The following FKBP15 variants were observed in gnomAD, a reference collection of about 807,000 sequenced individuals.
FKBP15 encodes the protein FKBP prolyl isomerase family member 15.
FKBP15 carries 106 observed loss-of-function variants against 158.1 expected under a neutral mutation model. That is an observed-to-expected ratio of 0.67 (90% CI 0.57 to 0.79). FKBP15 has a LOEUF of 0.79. FKBP15 is among the 30% of genes least tolerant of loss of function. The pLI, the probability that FKBP15 is intolerant of heterozygous loss-of-function variation, is 0.00. For missense variants in FKBP15, 1,287 were observed against 1,479.1 expected, an observed-to-expected ratio of 0.87 and a Z score of 2.13; for synonymous variants, 547 against 548.6, an observed-to-expected ratio of 1.00 and a Z score of 0.04.
intron 11 of FKBP15, 47 bp downstream of exon 11, chr9:113,193,445 G>T: frequency 6.7e-7 from 1 of 1,488,822 alleles, no homozygotes. Flanking sequence ...AAAGTGTTAG[G>T]ATTACAGGTG....
intron 3 of FKBP15, 53 bp from the exon 4 acceptor site, chr9:113,206,631 AC>A: frequency 7.0e-7 from 1 of 1,427,022 alleles, no homozygotes; most frequent in Non-Finnish European, 9.8e-7. Flanking sequence ...ATTCTGCAGA[AC>A]CAGCTTTCTT....
In FKBP15 at chr9:113,198,354, C is replaced by G. The variant is rs1007278238; in HGVS notation, c.717+501G>C. On this transcript the variant is annotated intron_variant, in intron 8 of 27. Transcript: ENST00000238256. This position sits in a 1 kb window ranked among gnomAD's most constrained non-coding sequence, Gnocchi z 5.2. ...TACAGAAAACAATTGTAACCATCTT[C>G]AATGTAGTGTCTCATAGATAAAAAT... Among the ~76,000 whole-genome samples, 6 of 152,226 alleles carry G rather than the reference C, an allele frequency of 3.9e-5. No homozygotes were observed. The highest frequency in any genetic ancestry group is 6.5e-5 in the Admixed American group (1 of 15,278).
intron 1 of FKBP15, among the ~76,000 whole-genome samples, chr9:113,216,815 T>C (rs1232188050): frequency 3.3e-5 from 5 of 152,022 alleles, no homozygotes; most frequent in Non-Finnish European, 7.3e-5. Flanking sequence ...TGTGTTTCCA[T>C]AGATGTTCTA....
In FKBP15 at chr9:113,188,436, G is replaced by A; in HGVS notation, c.1229C>T (p.Pro410Leu). 1 of 1,613,940 alleles carries A rather than the reference G, an allele frequency of 6.2e-7. No individual in the cohort carries two copies. The highest frequency in any genetic ancestry group is 8.5e-7 in the Non-Finnish European group (1 of 1,179,866). The change falls in exon 13 of 28, where the codon CCC (proline) becomes CTC (leucine). Residue 410 changes from proline to leucine, a missense_variant. Transcript: ENST00000238256. ...GQPVVTPSVQ[P>L]SLHPAHPALP... ...CGCTGGATGGGCCGGATGAAGAGAG[G>A]GCTGGACGGACGGAGTCACCACAGG...
intron 14 of FKBP15, chr9:113,186,595 T>A: frequency 6.0e-6 from 3 of 500,606 alleles, no homozygotes; most frequent in Non-Finnish European, 1.1e-5. Context: ...CTGAAGAAAG[T>A]GTATCTTAGG....
intron 22 of FKBP15, 128 bp downstream of exon 22, chr9:113,174,300 T>C: frequency 1.0e-6 from 1 of 981,212 alleles, no homozygotes; most frequent in Non-Finnish European, 1.5e-6. Context: ...TTTTTCTACC[T>C]TTCTCCAAAG....
At chr9:113,205,679 A>C (rs1386482304) in intron 4 of FKBP15, among the ~76,000 whole-genome samples, 2 of 152,164 alleles carry the variant, frequency 1.3e-5, no homozygotes, top group Admixed American at 6.5e-5. Flanking sequence ...TACAGCCAAA[A>C]TAGGAACTTG....
chr9:113,169,287 G>T lies in FKBP15; in HGVS notation c.3422C>A (p.Thr1141Lys), dbSNP rs763286544. Residue 1141 changes from threonine (T) to lysine (K), a missense_variant, in exon 26 of 28, where the codon ACA becomes AAA. Coordinates refer to ENST00000238256, the MANE Select transcript of FKBP15 (RefSeq NM_015258.2). ...STGPHKELSSTEAGSTVAGAA... is the reference protein window; with the variant it reads ...STGPHKELSSKEAGSTVAGAA... ...TCCTGCAACTGTGGAACCTGCCTCTGTGCTTGACAGCTCCTTGTGGGGACC... is the reference window on the plus strand; with the variant it reads ...TCCTGCAACTGTGGAACCTGCCTCTTTGCTTGACAGCTCCTTGTGGGGACC... The T allele has an allele frequency of 6.2e-7, 1 of 1,614,046 alleles. No homozygotes were observed.
Position 113,164,703 on chromosome 9 carries a change from C to T in FKBP15, c.*1375G>A, listed in dbSNP as rs1830071039. The T allele has an allele frequency of 6.6e-6, 1 of 152,222 alleles. No homozygotes were observed. Among genetic ancestry groups the T allele is most frequent in the African/African-American group, 2.4e-5 (1 of 41,464 alleles). 9.4% of individuals were successfully genotyped at this position (152,222 alleles called of 1,614,324 possible). The stretch of plus-strand genomic sequence containing the variant: ...TGGCCAAGAGCCCAGGCTCTGGAAT[C>T]AGATGGCCAGGATTTGAATTCTTGT... On this transcript the variant is annotated 3_prime_UTR_variant, in exon 28 of 28. Coordinates refer to ENST00000238256, the MANE Select transcript of FKBP15 (RefSeq NM_015258.2).
chr9:113,172,572 C>T (rs10739387), intron 23 of FKBP15, among the ~76,000 whole-genome samples: 4 of 151,952 alleles, frequency 2.6e-5, no homozygotes, highest in African/African-American at 4.8e-5. Context: ...CCCCCACCCA[C>T]GACCCTCTGC....
At position 113,198,367 on chromosome 9, in the gene FKBP15, C is replaced by G. The variant is rs1830725137; in HGVS notation, c.717+488G>C. 6.6e-6 allele frequency among the ~76,000 whole-genome samples: 1 copy of G among 152,212 alleles called. No homozygotes were observed. The highest frequency in any genetic ancestry group is 1.5e-5 in the Non-Finnish European group (1 of 68,034). ...TGTAACCATCTTCAATGTAGTGTCTCATAGATAAAAATCTCCCAAATGCAA... is the reference window on the plus strand; with the variant it reads ...TGTAACCATCTTCAATGTAGTGTCTGATAGATAAAAATCTCCCAAATGCAA... On this transcript the variant is annotated intron_variant, in intron 8 of 27. Transcript: ENST00000238256. This position sits in a 1 kb window ranked among gnomAD's most constrained non-coding sequence, Gnocchi z 5.2.
Position 113,203,053 on chromosome 9 carries a change from CAGAT to C in FKBP15, c.325-22_325-19del. 2.0e-6 allele frequency: 3 copies of C among 1,481,672 alleles called. No homozygotes were observed. The highest frequency in any genetic ancestry group is 2.7e-6 in the Non-Finnish European group (3 of 1,098,674). The allele number at this position is 1,481,672 out of a possible 1,614,324, so 91.8% of individuals were successfully genotyped here. A position where few individuals can be genotyped will look rare whatever the true frequency, so the allele number is the denominator to read the frequency against. On this transcript the variant is annotated intron_variant, in intron 4 of 27. Coordinates refer to ENST00000238256, the MANE Select transcript of FKBP15 (RefSeq NM_015258.2). ...ATCCTATACTGTAGACAAGCAACGACAGATAGAAAAAAAAAAAGAGAGACAGCAG... is the reference window on the plus strand; with the variant it reads ...ATCCTATACTGTAGACAAGCAACGACAGAAAAAAAAAAAGAGAGACAGCAG...
At chr9:113,218,222 T>C (rs933273771) in intron 1 of FKBP15, among the ~76,000 whole-genome samples, 9 of 151,856 alleles carry the variant, frequency 5.9e-5, no homozygotes, top group Non-Finnish European at 1.3e-4. Flanking sequence ...CAATAGCACA[T>C]AGGCAGGTCT....
rs374054178 is a variant in FKBP15 at position 113,198,815 on chromosome 9, C to T, written c.717+40G>A. The T allele has an allele frequency of 2.5e-5, 35 of 1,387,980 alleles. No homozygotes were observed. The highest frequency in any genetic ancestry group is 3.3e-5 in the Non-Finnish European group (33 of 1,002,112). 86.0% of individuals were successfully genotyped at this position (1,387,980 alleles called of 1,614,324 possible). Reference sequence around the variant, plus strand: ...AATTTAATCTAAGTTAAACCCACTGCAACTGATAAAACCATAAAAAAACAC... The same window carrying T: ...AATTTAATCTAAGTTAAACCCACTGTAACTGATAAAACCATAAAAAAACAC... On this transcript the variant is annotated intron_variant, in intron 8 of 27. Coordinates refer to ENST00000238256, the MANE Select transcript of FKBP15 (RefSeq NM_015258.2). The surrounding 1 kb of genome is among the most constrained non-coding windows in gnomAD (Gnocchi z 5.2).
In FKBP15 at chr9:113,201,728, T is replaced by G. The variant is rs528294467; in HGVS notation, c.498+803A>C. ...CCTCGAGAACCGTGAGAAATAAATTTCTGTTGCTTAACCAGACTATGGTAA... is the reference window on the plus strand; with the variant it reads ...CCTCGAGAACCGTGAGAAATAAATTGCTGTTGCTTAACCAGACTATGGTAA... On this transcript the variant is annotated intron_variant, in intron 6 of 27. Coordinates refer to ENST00000238256, the MANE Select transcript of FKBP15 (RefSeq NM_015258.2). Among the ~76,000 whole-genome samples the G allele has an allele frequency of 4.6e-5, 7 of 152,342 alleles. No individual in the cohort carries two copies. The South Asian group carries it at 1.4e-3, about 32-fold the overall frequency.
Position 113,161,247 on chromosome 9 carries a change from G to A in FKBP15, c.*4831C>T. ...CACGACAGATTTGTGCAGCCTGCTG[G>A]GGGAGTGGGTGGGGTAATGGTACGT... On this transcript the variant is annotated 3_prime_UTR_variant, in exon 28 of 28. Coordinates refer to ENST00000238256, the MANE Select transcript of FKBP15 (RefSeq NM_015258.2). The A allele has an allele frequency of 4.1e-6, 2 of 482,164 alleles. No homozygotes were observed. The highest frequency in any genetic ancestry group is 7.4e-6 in the Non-Finnish European group (2 of 271,784). 29.9% of individuals were successfully genotyped at this position (482,164 alleles called of 1,614,324 possible).
chr9:113,203,070 AG>A, intron 4 of FKBP15, 35 bp from the exon 5 acceptor site: 59 of 1,227,256 alleles, frequency 4.8e-5, no homozygotes, highest in Non-Finnish European at 6.2e-5. Flanking sequence ...AAAAAAAAAA[AG>A]AGAGACAGCA....
intron 20 of FKBP15, among the ~76,000 whole-genome samples, chr9:113,178,002 T>G (rs774957629): frequency 6.6e-6 from 1 of 152,022 alleles, no homozygotes; most frequent in Non-Finnish European, 1.5e-5. Context: ...TTTAAAGAGA[T>G]CAAATGTTCT....
intron 20 of FKBP15, among the ~76,000 whole-genome samples, chr9:113,177,994 T>TA (rs1024319804): frequency 1.1e-4 from 17 of 152,238 alleles, no homozygotes; most frequent in African/African-American, 3.9e-4. Context: ...GATTTTTTTT[T>TA]AAAGAGATCA....
Sources: gnomAD v4.1 joint callset for allele counts (sites outside exome capture counted in the v4.1 genomes callset) on GRCh38, gnomAD v4.1.1 for gene constraint, Gnocchi (gnomAD v3.1) non-coding constraint, MANE v1.5 for transcripts, NCBI Gene and HGNC (gene_info 2026-07-23, HGNC 2026-07-21) for gene names.